MRTFB: variants seen among roughly 807,000 people sequenced by gnomAD.
MRTFB encodes myocardin related transcription factor B.
In MRTFB, 29 loss-of-function variants were observed where a neutral mutation model predicts 104.2. That is an observed-to-expected ratio of 0.28 (90% CI 0.21 to 0.38). The LOEUF (loss-of-function observed/expected upper bound fraction) is 0.38. MRTFB is among the 10% of genes least tolerant of loss of function. The pLI is 1.00. For synonymous variants in MRTFB, 535 were observed against 519.5 expected, an observed-to-expected ratio of 1.03 and a Z score of -0.41; for missense variants, 1,270 against 1,341.6, an observed-to-expected ratio of 0.95 and a Z score of 0.83.
chr16:14,192,284 G>C (rs1280378401), intron 3 of MRTFB, among the ~76,000 whole-genome samples: 1 of 152,004 alleles, frequency 6.6e-6, no homozygotes, highest in Non-Finnish European at 1.5e-5. Flanking sequence ...TGAGATGCAG[G>C]GATCCCTTGA....
chr16:14,159,798 C>T lies in MRTFB; in HGVS notation c.154+19038C>T, dbSNP rs369173204. ...CAAAAAAATTAGCCGGGCGTAGTGG[C>T]GGGCGCCTGTAGTCCCAGCTACTCG... On this transcript the variant is annotated intron_variant, in intron 3 of 16. Transcript: ENST00000571589. Among the ~76,000 whole-genome samples, 128 of 150,026 alleles carry T rather than the reference C, an allele frequency of 8.5e-4. 2 individuals are homozygous for T. The South Asian group carries it at 0.025, about 29-fold the overall frequency.
At chr16:14,054,852 T>C in the MRTFB span, among the ~76,000 whole-genome samples, 1 of 152,152 alleles carries the variant, frequency 6.6e-6, no homozygotes, top group African/African-American at 2.4e-5. Context: ...GGTTTCCAGA[T>C]TCACATTGCT....
rs140426980 is a variant in MRTFB at position 14,071,521 on chromosome 16, A to G, written c.-129+156A>G. ...GCAGCTGCGGCGCCGTTTGGTCCGC[A>G]CCGTCCCCGGGACTCGCGCGGGGCG... is the stretch of plus-strand genomic sequence containing the variant. On this transcript the variant is annotated intron_variant, in intron 1 of 16. Transcript: ENST00000571589. Among the ~76,000 whole-genome samples, 843 of 149,458 alleles carry G rather than the reference A, an allele frequency of 5.6e-3. 6 individuals are homozygous for G. Among genetic ancestry groups the G allele is most frequent in the African/African-American group, 0.02 (803 of 40,964 alleles).
intron 3 of MRTFB, chr16:14,153,135 T>C (rs560262984): frequency 2.6e-5 from 4 of 152,328 alleles, no homozygotes; most frequent in Non-Finnish European, 5.9e-5. Flanking sequence ...ATAAATTGCT[T>C]AATTGGTCAA....
chr16:14,002,486 TAGAA>T, the MRTFB span, among the ~76,000 whole-genome samples: 28,286 of 151,916 alleles, frequency 0.19, 2,818 homozygotes, highest in Middle Eastern at 0.27. Context: ...GAAAACAAAT[TAGAA>T]AGAGAATAAC....
At chr16:14,069,269 C>T (rs2033555360), upstream of MRTFB, among the ~76,000 whole-genome samples, 1 of 152,276 alleles carries the variant, frequency 6.6e-6, no homozygotes, top group Non-Finnish European at 1.5e-5. Context: ...CTGCGCCCAG[C>T]CCAGGTTCTC....
At chr16:14,191,602 A>G (rs1232034380) in intron 3 of MRTFB, among the ~76,000 whole-genome samples, 1 of 152,218 alleles carries the variant, frequency 6.6e-6, no homozygotes, top group Non-Finnish European at 1.5e-5. Flanking sequence ...TGCATCTCAT[A>G]GACACATTAT....
At chr16:14,136,921 T>TA (rs1451326023) in intron 2 of MRTFB, among the ~76,000 whole-genome samples, 1 of 152,210 alleles carries the variant, frequency 6.6e-6, no homozygotes, top group Non-Finnish European at 1.5e-5. Context: ...GAACTGCAGT[T>TA]ACGTTATTGG....
chr16:14,245,723 G>C (rs551342587), intron 11 of MRTFB, 63 bp downstream of exon 11: 58 of 1,549,126 alleles, frequency 3.7e-5, no homozygotes, highest in Non-Finnish European at 5.0e-5. Flanking sequence ...TGATTTGCCA[G>C]CGTTGTCTAG....
chr16:14,068,567 G>C (rs2033544827), upstream of MRTFB, among the ~76,000 whole-genome samples: 1 of 152,124 alleles, frequency 6.6e-6, no homozygotes, highest in Non-Finnish European at 1.5e-5. Flanking sequence ...GCGTGTTGTT[G>C]TGTGTCGTTG....
intron 3 of MRTFB, chr16:14,193,797 T>C (rs901599612): frequency 6.6e-6 from 1 of 152,276 alleles, no homozygotes; most frequent in Non-Finnish European, 1.5e-5. Flanking sequence ...CACATCAAAA[T>C]TACCATTTAA....
intron 3 of MRTFB, among the ~76,000 whole-genome samples, chr16:14,166,010 A>G (rs1597130156): frequency 6.6e-6 from 1 of 152,214 alleles, no homozygotes; most frequent in African/African-American, 2.4e-5. Flanking sequence ...GTTGAAAGTA[A>G]GAAGTAGGAC....
chr16:14,126,788 A>T (rs2037132322), intron 2 of MRTFB, among the ~76,000 whole-genome samples: 1 of 152,152 alleles, frequency 6.6e-6, no homozygotes, highest in South Asian at 2.1e-4. Flanking sequence ...TCACAGCTGG[A>T]ATTTGAACCC....
chr16:14,120,602 A>G (rs1327457738), intron 2 of MRTFB, among the ~76,000 whole-genome samples: 1 of 152,190 alleles, frequency 6.6e-6, no homozygotes, highest in East Asian at 1.9e-4. Context: ...TTTCCTTAGT[A>G]TACATGGGCA....
intron 2 of MRTFB, among the ~76,000 whole-genome samples, chr16:14,099,670 CTT>C (rs200952464): frequency 2.6e-4 from 36 of 136,268 alleles, no homozygotes; most frequent in Non-Finnish European, 2.4e-4. Context: ...CTTTTCTTTT[CTT>C]TTTTTTTTTT....
chr16:14,131,482 T>C (rs2037436797), intron 2 of MRTFB, among the ~76,000 whole-genome samples: 1 of 152,162 alleles, frequency 6.6e-6, no homozygotes, highest in South Asian at 2.1e-4. Context: ...AAATTTTTTT[T>C]GTCTGTCAAA....
intron 3 of MRTFB, among the ~76,000 whole-genome samples, chr16:14,181,381 T>G (rs1567422052): frequency 6.6e-6 from 1 of 152,188 alleles, no homozygotes; most frequent in Non-Finnish European, 1.5e-5. Context: ...AGACTGAAAT[T>G]TTCCTTCCTA....
chr16:14,014,307 G>A, the MRTFB span, among the ~76,000 whole-genome samples: 73 of 151,832 alleles, frequency 4.8e-4, no homozygotes, highest in Non-Finnish European at 8.1e-4. Flanking sequence ...GCACTTTGGG[G>A]AGGCTGGGAT....
At chr16:14,078,077 C>T (rs1436057872) in intron 1 of MRTFB, among the ~76,000 whole-genome samples, 1 of 152,094 alleles carries the variant, frequency 6.6e-6, no homozygotes, top group Non-Finnish European at 1.5e-5. Flanking sequence ...CCTGGAACCC[C>T]ATTCCTCCCA....
Sources: allele counts gnomAD v4.1 joint callset (sites outside exome capture counted in the v4.1 genomes callset), GRCh38; gene constraint gnomAD v4.1.1; transcripts MANE v1.5; gene names NCBI Gene and HGNC (gene_info 2026-07-23, HGNC 2026-07-21).